The following SERGEF variants were observed in gnomAD, a reference collection of about 807,000 sequenced individuals.
The protein encoded by SERGEF is secretion-regulating guanine nucleotide exchange factor.
A neutral mutation model predicts 50.0 loss-of-function variants in SERGEF; 51 were observed. That is an observed-to-expected ratio of 1.02 (90% CI 0.81 to 1.29). The LOEUF (loss-of-function observed/expected upper bound fraction) is 1.29. Ranked by LOEUF, SERGEF falls within the 50% of genes most tolerant of loss-of-function variation. SERGEF has a pLI of 0.00. For synonymous variants in SERGEF, 205 were observed against 212.4 expected (o/e 0.97, Z 0.30); for missense variants, 521 against 557.0 (o/e 0.94, Z 0.65).
chr11:17,825,633 G>A (rs1047722502), intron 10 of SERGEF, among the ~76,000 whole-genome samples: 1 of 152,144 alleles, frequency 6.6e-6, no homozygotes, highest in Non-Finnish European at 1.5e-5. Flanking sequence ...ATTGAATAAA[G>A]CCAGAGAGTT....
chr11:17,988,617 G>A lies in SERGEF; in HGVS notation c.824C>T (p.Thr275Ile), dbSNP rs1233069977. Reference protein sequence around the residue: ...EKVTAIWSGWTHLVAQTETGK... With the variant: ...EKVTAIWSGWIHLVAQTETGK... The stretch of plus-strand genomic sequence containing the variant: ...CTCACCTGTCTGAGCAACCAGGTGT[G>A]TCCATCCACTCCAGATGGCAGTGAC... Residue 275 changes from threonine to isoleucine, a missense_variant, in exon 8 of 11, where the codon ACA becomes ATA. Physicochemically the swap from Thr to Ile is moderately conservative, Grantham distance 89. Coordinates refer to ENST00000265965, the MANE Select transcript of SERGEF (RefSeq NM_012139.4). 1 of 1,614,024 alleles carries A rather than the reference G, an allele frequency of 6.2e-7. No homozygotes were observed. Among genetic ancestry groups the A allele is most frequent in the South Asian group, 1.1e-5 (1 of 91,062 alleles).
At chr11:17,962,310 C>A (rs1377911173) in intron 8 of SERGEF, among the ~76,000 whole-genome samples, 2 of 152,098 alleles carry the variant, frequency 1.3e-5, no homozygotes, top group Middle Eastern at 3.4e-3. Flanking sequence ...AAGGCATAAA[C>A]ACATGGATGA....
chr11:17,922,460 C>T (rs756389287), intron 9 of SERGEF, among the ~76,000 whole-genome samples: 8 of 152,190 alleles, frequency 5.3e-5, no homozygotes, highest in Non-Finnish European at 1.2e-4. Context: ...GAACCTGACC[C>T]TTTGCAGAAA....
At chr11:17,868,588 C>T (rs528819764) in intron 10 of SERGEF, among the ~76,000 whole-genome samples, 27 of 152,276 alleles carry the variant, frequency 1.8e-4, no homozygotes, top group African/African-American at 5.5e-4. Flanking sequence ...CCCACATTTT[C>T]GGGTATCTTT....
intron 9 of SERGEF, among the ~76,000 whole-genome samples, chr11:17,895,420 T>C (rs551538041): frequency 2.6e-4 from 39 of 152,336 alleles, no homozygotes; most frequent in African/African-American, 9.1e-4. Context: ...TAACCCAGCC[T>C]GACAGACTCT....
At chr11:17,825,578 C>T (rs144271215) in intron 10 of SERGEF, among the ~76,000 whole-genome samples, 3 of 152,302 alleles carry the variant, frequency 2.0e-5, no homozygotes, top group Admixed American at 6.5e-5. Context: ...TCCTAGTCAA[C>T]GTTCCTCTAA....
intron 9 of SERGEF, among the ~76,000 whole-genome samples, chr11:17,906,584 C>G (rs571505360): frequency 1.3e-5 from 2 of 152,304 alleles, no homozygotes; most frequent in East Asian, 3.9e-4. Flanking sequence ...CCTGCCGCCT[C>G]TGCGCCGCCT....
chr11:17,974,822 A>G lies in SERGEF; in HGVS notation c.844+13775T>C, dbSNP rs372173292. On this transcript the variant is annotated intron_variant, in intron 8 of 10. Coordinates refer to ENST00000265965, the MANE Select transcript of SERGEF (RefSeq NM_012139.4). ...AACAGAAAAGAAAGTTTACCCTGAT[A>G]TTAATTGGTGCTGTAACGTTTTAAA... 5.0e-4 allele frequency among the ~76,000 whole-genome samples: 76 copies of G among 152,346 alleles called. 1 individual carries two copies. The South Asian group carries it at 0.015, about 30-fold the overall frequency.
chr11:17,848,706 T>G (rs1423847132), intron 10 of SERGEF, among the ~76,000 whole-genome samples: 1 of 152,214 alleles, frequency 6.6e-6, no homozygotes, highest in East Asian at 1.9e-4. Context: ...TTTACTAAAT[T>G]ATAAAAAGAC....
intron 9 of SERGEF, among the ~76,000 whole-genome samples, chr11:17,879,395 T>G (rs917322057): frequency 2.6e-5 from 4 of 152,184 alleles, no homozygotes; most frequent in African/African-American, 9.7e-5. Context: ...TTTCAAGTAC[T>G]CTGGAATGTT....
intron 9 of SERGEF, among the ~76,000 whole-genome samples, chr11:17,925,718 CAT>C (rs1403622504): frequency 6.6e-6 from 1 of 151,976 alleles, no homozygotes; most frequent in Non-Finnish European, 1.5e-5. Flanking sequence ...TTAAAAAAAC[CAT>C]ATCTGTTTAA....
At chr11:17,876,785 C>G (rs962144955) in intron 10 of SERGEF, among the ~76,000 whole-genome samples, 3 of 152,240 alleles carry the variant, frequency 2.0e-5, no homozygotes, top group Non-Finnish European at 4.4e-5. Context: ...CCAGCCTCTC[C>G]CAGTCCAGTG....
intron 10 of SERGEF, among the ~76,000 whole-genome samples, chr11:17,875,180 C>A (rs570174968): frequency 6.6e-6 from 1 of 152,302 alleles, no homozygotes; most frequent in Middle Eastern, 3.4e-3. Flanking sequence ...TACTTCAGGC[C>A]ACTGGAAATG....
intron 10 of SERGEF, among the ~76,000 whole-genome samples, chr11:17,867,049 C>A (rs1013294576): frequency 6.6e-6 from 1 of 152,216 alleles, no homozygotes. Flanking sequence ...CACAGCCAAA[C>A]CATATCATTC....
chr11:18,012,653 G>C lies in SERGEF; in HGVS notation c.60+298C>G, dbSNP rs535370764. On this transcript the variant is annotated intron_variant, in intron 1 of 10. Transcript: ENST00000265965. ...TGTCTTCCAGGCGCTATTCGGGCTG[G>C]AGGGCTCTCGCGGAACCAGACGCTC... The C allele has an allele frequency of 1.2e-4, 146 of 1,172,268 alleles. No homozygotes were observed. In the African/African-American group the frequency reaches 2.2e-3, roughly 18 times the overall value. The allele number at this position is 1,172,268 out of a possible 1,614,324, so 72.6% of individuals were successfully genotyped here.
At chr11:17,813,149 G>A (rs1281844089) in intron 10 of SERGEF, among the ~76,000 whole-genome samples, 1 of 152,148 alleles carries the variant, frequency 6.6e-6, no homozygotes, top group Non-Finnish European at 1.5e-5. Context: ...AACCTTAGTG[G>A]CCTTGCTTGA....
intron 9 of SERGEF, among the ~76,000 whole-genome samples, chr11:17,885,135 T>G (rs1293089824): frequency 3.3e-5 from 5 of 152,180 alleles, no homozygotes; most frequent in Non-Finnish European, 5.9e-5. Flanking sequence ...TTCTAACTCT[T>G]TTCCTTATCT....
intron 8 of SERGEF, among the ~76,000 whole-genome samples, chr11:17,987,410 A>C (rs1260372091): frequency 1.3e-5 from 2 of 152,238 alleles, no homozygotes; most frequent in Non-Finnish European, 2.9e-5. Context: ...ACAAACATAC[A>C]AAACCCAGCT....
chr11:17,967,932 G>A (rs1853160368), intron 8 of SERGEF, among the ~76,000 whole-genome samples: 1 of 152,196 alleles, frequency 6.6e-6, no homozygotes, highest in Non-Finnish European at 1.5e-5. Context: ...TCAGGGCCTA[G>A]CTTAAATGCT....
Sources: allele counts gnomAD v4.1 joint callset (sites outside exome capture counted in the v4.1 genomes callset), GRCh38; gene constraint gnomAD v4.1.1; transcripts MANE v1.5; gene names NCBI Gene and HGNC (gene_info 2026-07-23, HGNC 2026-07-21).